The following TBC1D22B variants were observed in gnomAD, a reference collection of about 807,000 sequenced individuals.
TBC1D22B encodes chromosome 6 open reading frame 197.
Under a neutral mutation model 69.1 loss-of-function variants are expected in TBC1D22B, and 32 were observed. The observed-to-expected ratio is 0.46, with a 90% CI of 0.35 to 0.62. TBC1D22B has a LOEUF of 0.62. Among genes scored for constraint, TBC1D22B ranks in the 20% least tolerant of loss-of-function variants. The pLI is 0.00. For synonymous variants in TBC1D22B, 206 were observed against 229.8 expected, an observed-to-expected ratio of 0.90 and a Z score of 0.94; for missense variants, 462 against 630.9, an observed-to-expected ratio of 0.73 and a Z score of 2.87.
Position 37,303,770 on chromosome 6 carries a change from G to A in TBC1D22B, c.983-9148G>A, listed in dbSNP as rs114579311. Among the ~76,000 whole-genome samples, 1,243 of 152,240 alleles carry A rather than the reference G, an allele frequency of 8.2e-3. 15 individuals carry two copies. Among genetic ancestry groups the A allele is most frequent in the African/African-American group, 0.027 (1,120 of 41,538 alleles). On this transcript the variant is annotated intron_variant, in intron 8 of 12. Transcript: ENST00000373491. ...CTCTTTATCTCCTGAGCTAATCTTTGTGCACCCTTTAAGACTCCCCTTCCT... is the reference window on the plus strand; with the variant it reads ...CTCTTTATCTCCTGAGCTAATCTTTATGCACCCTTTAAGACTCCCCTTCCT...
intron 5 of TBC1D22B, among the ~76,000 whole-genome samples, chr6:37,284,033 A>G (rs1766929215): frequency 1.3e-5 from 2 of 152,162 alleles, no homozygotes; most frequent in Admixed American, 6.5e-5. Context: ...ACTGACCTAC[A>G]TTCACTGCTG....
rs1240633514 is a variant in TBC1D22B at position 37,282,786 on chromosome 6, T to TA, written c.602-95dup. ...GGGTAGCAGGTGGTGGTGGTGGTCT[T>TA]ACATGGATGGAAGGAGACATCAGGC... On this transcript the variant is annotated intron_variant, in intron 4 of 12. Transcript: ENST00000373491. The TA allele has an allele frequency of 3.3e-6, 4 of 1,217,486 alleles. No homozygotes were observed. In the African/African-American group the frequency reaches 5.9e-5, roughly 18 times the overall value. The allele number at this position is 1,217,486 out of a possible 1,614,324, so 75.4% of individuals were successfully genotyped here. A position where few individuals can be genotyped will look rare whatever the true frequency, so the allele number is the denominator to read the frequency against.
intron 5 of TBC1D22B, among the ~76,000 whole-genome samples, chr6:37,284,087 C>T (rs1766931549): frequency 6.6e-6 from 1 of 152,192 alleles, no homozygotes; most frequent in African/African-American, 2.4e-5. Flanking sequence ...ACCAGTGGCA[C>T]AAGCTCCAGC....
intron 8 of TBC1D22B, among the ~76,000 whole-genome samples, chr6:37,296,789 CACAT>C (rs746460702): frequency 8.6e-5 from 13 of 151,994 alleles, no homozygotes; most frequent in South Asian, 4.1e-4. Flanking sequence ...TATACACACA[CACAT>C]ACACACACGT....
chr6:37,290,661 A>G (rs1767148952), intron 7 of TBC1D22B, among the ~76,000 whole-genome samples: 1 of 152,156 alleles, frequency 6.6e-6, no homozygotes, highest in African/African-American at 2.4e-5. Flanking sequence ...ATCCTTAGCA[A>G]ACATCTGAGT....
intron 3 of TBC1D22B, among the ~76,000 whole-genome samples, chr6:37,280,142 G>A (rs779419818): frequency 6.6e-6 from 1 of 152,202 alleles, no homozygotes; most frequent in Non-Finnish European, 1.5e-5. Flanking sequence ...CCATCAGGTT[G>A]GGTGGGGTAG....
chr6:37,326,249 G>A (rs567255580), intron 12 of TBC1D22B, among the ~76,000 whole-genome samples: 155 of 151,788 alleles, frequency 1.0e-3, no homozygotes, highest in African/African-American at 3.2e-3. Flanking sequence ...GTGCAGTGGC[G>A]CGCACCTGTA....
At chr6:37,327,177 T>TA (rs1768433609) in intron 12 of TBC1D22B, among the ~76,000 whole-genome samples, 1 of 151,010 alleles carries the variant, frequency 6.6e-6, no homozygotes, top group South Asian at 2.1e-4. Context: ...GTCAACATTT[T>TA]AAAAAATAAG....
chr6:37,278,455 T>C (rs918709409), intron 2 of TBC1D22B, among the ~76,000 whole-genome samples: 3 of 152,232 alleles, frequency 2.0e-5, no homozygotes, highest in Non-Finnish European at 4.4e-5. Context: ...GCAGATCAAC[T>C]GTCAAATCTC....
At chr6:37,283,070 G>A (rs1051239187) in intron 5 of TBC1D22B, 118 bp downstream of exon 5, 1 of 781,926 alleles carries the variant, frequency 1.3e-6, no homozygotes, top group South Asian at 1.6e-5. Context: ...TACTGGATAT[G>A]ACAGAACTAT....
chr6:37,295,499 A>G lies in TBC1D22B; in HGVS notation c.982+4142A>G. ...TTACATTTTTGTCAAGTGCAAGGTCAGCCAGCTAAGATTTCCAATAATTAC... is the reference window on the plus strand; with the variant it reads ...TTACATTTTTGTCAAGTGCAAGGTCGGCCAGCTAAGATTTCCAATAATTAC... On this transcript the variant is annotated intron_variant, in intron 8 of 12. Transcript: ENST00000373491. 4 of 295,630 alleles carry G rather than the reference A, an allele frequency of 1.4e-5. No individual in the cohort carries two copies. The South Asian group carries it at 1.4e-4, about 10-fold the overall frequency. 18.3% of individuals were successfully genotyped at this position (295,630 alleles called of 1,614,324 possible).
Position 37,298,539 on chromosome 6 carries a change from G to GTTTTTTTTTTTTTTTT in TBC1D22B, c.982+7191_982+7206dup, listed in dbSNP as rs34996865. Among the ~76,000 whole-genome samples, 25 of 71,256 alleles carry GTTTTTTTTTTTTTTTT rather than the reference G, an allele frequency of 3.5e-4. 2 individuals are homozygous for GTTTTTTTTTTTTTTTT. The highest frequency in any genetic ancestry group is 1.4e-3 in the African/African-American group (23 of 16,300). 46.7% of individuals were successfully genotyped at this position (71,256 alleles called of 152,430 possible). On this transcript the variant is annotated intron_variant, in intron 8 of 12. Coordinates refer to ENST00000373491, the MANE Select transcript of TBC1D22B (RefSeq NM_017772.4). ...TAGAAGAACATTTAAGTTGCCTACA[G>GTTTTTTTTTTTTTTTT]TTTTTTTTTTTTTTTTTTTTTTTTG...
At chr6:37,294,164 T>C (rs982745744) in intron 8 of TBC1D22B, among the ~76,000 whole-genome samples, 2 of 152,194 alleles carry the variant, frequency 1.3e-5, no homozygotes, top group Non-Finnish European at 2.9e-5. Context: ...CAAAACAGTC[T>C]TCTATTGGAA....
intron 8 of TBC1D22B, among the ~76,000 whole-genome samples, chr6:37,294,275 A>G (rs1767283867): frequency 6.6e-6 from 1 of 152,074 alleles, no homozygotes; most frequent in Non-Finnish European, 1.5e-5. Flanking sequence ...GGCTAAAGCA[A>G]TCCTCCTGCC....
At chr6:37,315,449 C>G (rs1037715476) in intron 10 of TBC1D22B, among the ~76,000 whole-genome samples, 1 of 151,902 alleles carries the variant, frequency 6.6e-6, no homozygotes, top group African/African-American at 2.4e-5. Flanking sequence ...CCCAGCTACT[C>G]AGGAGGTTGA....
chr6:37,313,737 T>G, intron 9 of TBC1D22B, 79 bp from the exon 10 acceptor site: 1 of 1,400,348 alleles, frequency 7.1e-7, no homozygotes, highest in Non-Finnish European at 1.0e-6. Flanking sequence ...GGCCTGAACT[T>G]CTAAACGTGT....
At chr6:37,297,087 A>G (rs1448671117) in intron 8 of TBC1D22B, among the ~76,000 whole-genome samples, 3 of 152,186 alleles carry the variant, frequency 2.0e-5, no homozygotes, top group Admixed American at 1.3e-4. Context: ...TCAGCCTCCT[A>G]AAGTGCTGGG....
chr6:37,312,943 G>T lies in TBC1D22B; in HGVS notation c.1008G>T (p.Val336=). 6.2e-7 allele frequency: 1 copy of T among 1,614,092 alleles called. No homozygotes were observed. Among genetic ancestry groups the T allele is most frequent in the South Asian group, 1.1e-5 (1 of 91,036 alleles). The stretch of plus-strand genomic sequence containing the variant: ...AAGAGGATGTGGAGAACTTTGACGT[G>T]ACCAACTTGTCTCAAGACATGCTGC... ...YVEEDVENFD[V]TNLSQDMLRS... Residue 336 remains valine (V), a synonymous_variant, in exon 9 of 13, where the codon GTG becomes GTT. Coordinates refer to ENST00000373491, the MANE Select transcript of TBC1D22B (RefSeq NM_017772.4).
At chr6:37,286,089 G>GC (rs199508548) in intron 6 of TBC1D22B, among the ~76,000 whole-genome samples, 2,185 of 152,296 alleles carry the variant, frequency 0.014, 26 homozygotes, top group Non-Finnish European at 0.022. Flanking sequence ...ATACATGCCA[G>GC]CCCAGAGTGA....
Sources: allele counts gnomAD v4.1 joint callset (sites outside exome capture counted in the v4.1 genomes callset), GRCh38; gene constraint gnomAD v4.1.1; transcripts MANE v1.5; gene names NCBI Gene and HGNC (gene_info 2026-07-23, HGNC 2026-07-21).